GPER1: variants seen among roughly 807,000 people sequenced by gnomAD.
The protein encoded by GPER1 is G protein-coupled receptor 30.
Under a neutral mutation model 0.6 loss-of-function variants are expected in GPER1, and 2 were observed. The ratio of observed to expected loss-of-function variants is 3.41; its 90% CI spans 1.39 to 10.72. GPER1 has a LOEUF of 10.72. Among genes scored for constraint, GPER1 ranks in the 30% most tolerant of loss-of-function variants. The pLI is 0.04. For missense variants in GPER1, 441 were observed against 535.2 expected, an observed-to-expected ratio of 0.82 and a Z score of 1.74; for synonymous variants, 263 against 247.6, an observed-to-expected ratio of 1.06 and a Z score of -0.58.
chr7:1,091,898 T>C lies in GPER1; in HGVS notation c.170T>C (p.Ile57Thr). ...GELSEHQQYV[I>T]GLFLSCLYTI... The stretch of plus-strand genomic sequence containing the variant: ...CTCTCGGAGCACCAGCAGTACGTGA[T>C]CGGCCTGTTCCTCTCGTGCCTCTAC... The change falls in exon 2 of 2, where the codon ATC becomes ACC. Residue 57 changes from isoleucine (I) to threonine (T), a missense_variant. Transcript: ENST00000397088. The C allele has an allele frequency of 6.2e-7, 1 of 1,614,012 alleles. No individual in the cohort carries two copies. The highest frequency in any genetic ancestry group is 1.1e-5 in the South Asian group (1 of 91,082).
chr7:1,090,031 C>G (rs939127618), intron 1 of GPER1, among the ~76,000 whole-genome samples: 2 of 151,862 alleles, frequency 1.3e-5, no homozygotes, highest in African/African-American at 4.8e-5. Context: ...TTGCAGTGAG[C>G]CGAGATTGTG....
intron 1 of GPER1, among the ~76,000 whole-genome samples, chr7:1,089,382 G>A (rs933226683): frequency 1.3e-5 from 2 of 152,138 alleles, no homozygotes; most frequent in African/African-American, 4.8e-5. Flanking sequence ...TTGAGATGGG[G>A]CCTCACTGCA....
Position 1,093,575 on chromosome 7 carries a change from G to A in GPER1, c.*719G>A, listed in dbSNP as rs1390003223. 3 of 471,164 alleles carry A rather than the reference G, an allele frequency of 6.4e-6. 1 individual carries two copies. Among genetic ancestry groups the A allele is most frequent in the Admixed American group, 4.7e-5 (2 of 42,594 alleles). 29.2% of individuals were successfully genotyped at this position (471,164 alleles called of 1,614,324 possible). A position where few individuals can be genotyped will look rare whatever the true frequency, so the allele number is the denominator to read the frequency against. On this transcript the variant is annotated 3_prime_UTR_variant, in exon 2 of 2. Transcript: ENST00000397088. ...CGGGGTGGTTCAGTCACTGCTTGTTGACATCAACATGGCAATTGCACTCAT... is the reference window on the plus strand; with the variant it reads ...CGGGGTGGTTCAGTCACTGCTTGTTAACATCAACATGGCAATTGCACTCAT...
Position 1,093,370 on chromosome 7 carries a change from A to G in GPER1, c.*514A>G. The G allele has an allele frequency of 2.3e-6, 1 of 432,952 alleles. No individual in the cohort carries two copies. The allele number at this position is 432,952 out of a possible 1,614,324, so 26.8% of individuals were successfully genotyped here. On this transcript the variant is annotated 3_prime_UTR_variant, in exon 2 of 2. Transcript: ENST00000397088. ...TCTGTGCCCACGGTCTGAGCTAGCT[A>G]GCGCACCGCCGAGTTAAAGAGGAGA...
chr7:1,090,609 A>G (rs1019806328), intron 1 of GPER1, among the ~76,000 whole-genome samples: 3 of 148,276 alleles, frequency 2.0e-5, no homozygotes, highest in East Asian at 2.0e-4. Flanking sequence ...CGGCAGAGCC[A>G]GGGTGACACG....
At position 1,088,331 on chromosome 7, in the gene GPER1, A is replaced by T. The variant is rs543444485; in HGVS notation, c.-323+10A>T. On this transcript the variant is annotated intron_variant, in intron 1 of 1. Transcript: ENST00000397088. This position sits in a 1 kb window ranked among gnomAD's most constrained non-coding sequence, Gnocchi z 4.5. Reference sequence around the variant, plus strand: ...AGGGGCTGCAACCCAGGTAGGACTCAGCCTCGGCCTGGCGGTGCCATACCA... The same window carrying T: ...AGGGGCTGCAACCCAGGTAGGACTCTGCCTCGGCCTGGCGGTGCCATACCA... The T allele has an allele frequency of 6.6e-6, 1 of 152,330 alleles. No individual in the cohort carries two copies. The highest frequency in any genetic ancestry group is 1.9e-4 in the East Asian group (1 of 5,196). The allele number at this position is 152,330 out of a possible 1,614,324, so 9.4% of individuals were successfully genotyped here. A position where few individuals can be genotyped will look rare whatever the true frequency, so the allele number is the denominator to read the frequency against.
At position 1,092,700 on chromosome 7, in the gene GPER1, C is replaced by T. The variant is rs1444127064; in HGVS notation, c.972C>T (p.Tyr324=). Residue 324 remains tyrosine, a synonymous_variant, in exon 2 of 2, where the codon TAC becomes TAT. Coordinates refer to ENST00000397088, the MANE Select transcript of GPER1 (RefSeq NM_001098201.3). ...ACAGCTGCCTAAACCCCCTCATCTA[C>T]AGCTTTCTCGGGGAGACCTTCAGGG... ...FSNSCLNPLI[Y]SFLGETFRDK... 9.9e-6 allele frequency: 16 copies of T among 1,613,546 alleles called. No individual in the cohort carries two copies. Among genetic ancestry groups the T allele is most frequent in the Non-Finnish European group, 1.2e-5 (14 of 1,180,034 alleles).
At chr7:1,091,188 G>A (rs1014174995) in intron 1 of GPER1, among the ~76,000 whole-genome samples, 13 of 152,180 alleles carry the variant, frequency 8.5e-5, no homozygotes, top group South Asian at 2.1e-4. Context: ...CTGAGCAGCC[G>A]TGGGACCTGC....
intron 1 of GPER1, among the ~76,000 whole-genome samples, chr7:1,090,936 A>C (rs1019330180): frequency 2.0e-5 from 3 of 152,008 alleles, no homozygotes; most frequent in Non-Finnish European, 4.4e-5. Context: ...ATCGTAAGAG[A>C]AGATTCTGCT....
intron 1 of GPER1, among the ~76,000 whole-genome samples, chr7:1,090,341 C>T (rs900071241): frequency 4.6e-5 from 7 of 152,244 alleles, no homozygotes; most frequent in African/African-American, 1.4e-4. Context: ...CCCCGTGGCC[C>T]GCTGCATAGA....
upstream of GPER1, chr7:1,088,070 G>A (rs1013601713): frequency 2.0e-5 from 3 of 152,220 alleles, no homozygotes; most frequent in African/African-American, 7.2e-5. This position sits in a 1 kb window ranked among gnomAD's most constrained non-coding sequence, Gnocchi z 4.5. Flanking sequence ...GAGAGGAGCG[G>A]GGCGGAGGGG....
Position 1,092,973 on chromosome 7 carries a change from T to C in GPER1, c.*117T>C, listed in dbSNP as rs762521942. On this transcript the variant is annotated 3_prime_UTR_variant, in exon 2 of 2. Coordinates refer to ENST00000397088, the MANE Select transcript of GPER1 (RefSeq NM_001098201.3). ...ACTGCGGTCAGATGTGGCTTCTGGC[T>C]CCTCGGGGCCTCGCGAGGGTCACGC... 1.7e-5 allele frequency: 17 copies of C among 981,304 alleles called. No homozygotes were observed. Among genetic ancestry groups the C allele is most frequent in the Non-Finnish European group, 2.7e-5 (17 of 626,458 alleles). 60.8% of individuals were successfully genotyped at this position (981,304 alleles called of 1,614,324 possible).
chr7:1,091,520 G>A lies in GPER1; in HGVS notation c.-209G>A, dbSNP rs966109862. On this transcript the variant is annotated 5_prime_UTR_variant, in exon 2 of 2. Transcript: ENST00000397088. Reference sequence around the variant, plus strand: ...CTCGCCTCCACGGATGCACCATGCCGGTGTGAGGAGCATCTGTTCTTCCCA... The same window carrying A: ...CTCGCCTCCACGGATGCACCATGCCAGTGTGAGGAGCATCTGTTCTTCCCA... 1.8e-5 allele frequency: 10 copies of A among 549,222 alleles called. No individual in the cohort carries two copies. The highest frequency in any genetic ancestry group is 1.1e-4 in the African/African-American group (6 of 52,928). The allele number at this position is 549,222 out of a possible 1,614,324, so 34.0% of individuals were successfully genotyped here.
chr7:1,092,540 G>C lies in GPER1; in HGVS notation c.812G>C (p.Cys271Ser). The C allele has an allele frequency of 6.2e-7, 1 of 1,609,010 alleles. No homozygotes were observed. The highest frequency in any genetic ancestry group is 2.2e-5 in the East Asian group (1 of 44,886). ...ILAVVLVFFV[C>S]WLPENVFISV... ...GCGGTGGTGCTGGTCTTCTTCGTCT[G>C]CTGGCTGCCGGAGAACGTCTTCATC... The change falls in exon 2 of 2, where the codon TGC (cysteine) becomes TCC (serine). Residue 271 changes from cysteine to serine, a missense_variant. Cys to Ser is a moderately radical substitution (Grantham distance 112). Coordinates refer to ENST00000397088, the MANE Select transcript of GPER1 (RefSeq NM_001098201.3).
At chr7:1,089,832 C>T (rs1787771746) in intron 1 of GPER1, among the ~76,000 whole-genome samples, 1 of 151,718 alleles carries the variant, frequency 6.6e-6, no homozygotes, top group South Asian at 2.1e-4. Context: ...CCTGTAATCC[C>T]AGCACCGTGG....
Position 1,091,965 on chromosome 7 carries a change from G to T in GPER1, c.237G>T (p.Leu79=). The change falls in exon 2 of 2, where the codon CTG becomes CTT. Residue 79 remains leucine, a synonymous_variant. Coordinates refer to ENST00000397088, the MANE Select transcript of GPER1 (RefSeq NM_001098201.3). ...CCATCGGCTTTGTGGGCAACATCCT[G>T]ATCCTGGTGGTGAACATCAGCTTCC... ...LFPIGFVGNI[L]ILVVNISFRE... is the part of the protein sequence containing the mutation. The T allele has an allele frequency of 6.2e-7, 1 of 1,614,076 alleles. No homozygotes were observed.
In GPER1 at chr7:1,092,470, C is replaced by T. The variant is rs775750584; in HGVS notation, c.742C>T (p.Arg248Cys). Residue 248 changes from arginine to cysteine, a missense_variant, in exon 2 of 2, where the codon CGT (arginine) becomes TGT (cysteine). Transcript: ENST00000397088. ...GGTGCTGGTCAGGGCGCACCGGCAC[C>T]GTGGGCTGCGGCCCCGGCGGCAGAA... ...VRVLVRAHRH[R>C]GLRPRRQKAL... 1.6e-5 allele frequency: 26 copies of T among 1,607,770 alleles called. No homozygotes were observed. Among genetic ancestry groups the T allele is most frequent in the East Asian group, 6.7e-5 (3 of 44,886 alleles).
Position 1,090,145 on chromosome 7 carries a change from C to G in GPER1, c.-322-1262C>G, listed in dbSNP as rs149008146. Among the ~76,000 whole-genome samples the G allele has an allele frequency of 5.4e-3, 822 of 152,272 alleles. 7 individuals are homozygous for G. Among genetic ancestry groups the G allele is most frequent in the African/African-American group, 0.019 (779 of 41,554 alleles). Reference sequence around the variant, plus strand: ...GAAAATTCCCAAAGGAAAAACAACTCAAACCCATTTTGAAGTGTTAGTTTA... The same window carrying G: ...GAAAATTCCCAAAGGAAAAACAACTGAAACCCATTTTGAAGTGTTAGTTTA... On this transcript the variant is annotated intron_variant, in intron 1 of 1. Coordinates refer to ENST00000397088, the MANE Select transcript of GPER1 (RefSeq NM_001098201.3).
chr7:1,092,480 G>A lies in GPER1; in HGVS notation c.752G>A (p.Arg251Gln), dbSNP rs747835584. ...LVRAHRHRGL[R>Q]PRRQKALRMI... Reference sequence around the variant, plus strand: ...AGGGCGCACCGGCACCGTGGGCTGCGGCCCCGGCGGCAGAAGGCGCTCCGC... The same window carrying A: ...AGGGCGCACCGGCACCGTGGGCTGCAGCCCCGGCGGCAGAAGGCGCTCCGC... The change falls in exon 2 of 2, where the codon CGG becomes CAG. Residue 251 changes from arginine (R) to glutamine (Q), a missense_variant. By Grantham distance (43) the Arg-to-Gln change is conservative. Transcript: ENST00000397088. The A allele has an allele frequency of 6.2e-6, 10 of 1,607,470 alleles. No homozygotes were observed. Among genetic ancestry groups the A allele is most frequent in the Admixed American group, 1.7e-5 (1 of 59,960 alleles).
Sources: gnomAD v4.1 joint callset for allele counts (sites outside exome capture counted in the v4.1 genomes callset) on GRCh38, gnomAD v4.1.1 for gene constraint, Gnocchi (gnomAD v3.1) non-coding constraint, MANE v1.5 for transcripts, NCBI Gene and HGNC (gene_info 2026-07-23, HGNC 2026-07-21) for gene names.